KCNIP4: variants seen among roughly 807,000 people sequenced by gnomAD.
KCNIP4 encodes potassium voltage-gated channel interacting protein 4.
A neutral mutation model predicts 34.0 loss-of-function variants in KCNIP4; 12 were observed. The observed-to-expected ratio is 0.35, with a 90% CI of 0.23 to 0.57. The LOEUF is 0.57. Among genes scored for constraint, KCNIP4 ranks in the 20% least tolerant of loss-of-function variants. The probability of loss-of-function intolerance (pLI) is 0.83; values close to 1 mark genes in which losing one functional copy is unlikely to be tolerated. For missense variants in KCNIP4, 238 were observed against 311.7 expected (o/e 0.76, Z 1.78); for synonymous variants, 124 against 102.2 (o/e 1.21, Z -1.29).
intron 1 of KCNIP4, among the ~76,000 whole-genome samples, chr4:20,991,446 C>T (rs539213861): frequency 3.9e-5 from 6 of 151,930 alleles, no homozygotes; most frequent in East Asian, 3.9e-4. Flanking sequence ...AAAGGGAAAG[C>T]GAGAAATGAG....
chr4:20,984,268 T>C (rs747272481), intron 1 of KCNIP4, among the ~76,000 whole-genome samples: 5 of 152,204 alleles, frequency 3.3e-5, no homozygotes, highest in Non-Finnish European at 5.9e-5. Context: ...CTTTGCAGTG[T>C]CCGTGGCGAG....
At chr4:21,300,856 A>G (rs2109240656) in intron 1 of KCNIP4, among the ~76,000 whole-genome samples, 1 of 152,264 alleles carries the variant, frequency 6.6e-6, no homozygotes, top group East Asian at 1.9e-4. Flanking sequence ...TGTTACACTC[A>G]TTGAAGTTTT....
At chr4:21,303,254 A>C (rs1711954843) in intron 1 of KCNIP4, among the ~76,000 whole-genome samples, 1 of 152,220 alleles carries the variant, frequency 6.6e-6, no homozygotes, top group African/African-American at 2.4e-5. Flanking sequence ...TATGAGTTAG[A>C]GTCTTTTCCC....
At chr4:21,100,067 T>C (rs1443917888) in intron 1 of KCNIP4, among the ~76,000 whole-genome samples, 3 of 152,220 alleles carry the variant, frequency 2.0e-5, no homozygotes, top group Non-Finnish European at 2.9e-5. Context: ...GCAAACATTG[T>C]TGAAGTGACT....
intron 1 of KCNIP4, among the ~76,000 whole-genome samples, chr4:21,878,600 T>G (rs1025012048): frequency 6.6e-6 from 1 of 152,236 alleles, no homozygotes; most frequent in East Asian, 1.9e-4. Context: ...AAGATGACAA[T>G]GAGCAATGCT....
intron 1 of KCNIP4, among the ~76,000 whole-genome samples, chr4:21,205,354 A>C (rs1455507841): frequency 6.6e-6 from 1 of 152,186 alleles, no homozygotes; most frequent in Non-Finnish European, 1.5e-5. Context: ...CCAAGGTATA[A>C]CATGACAGAC....
chr4:21,848,459 C>A (rs1321043153), intron 1 of KCNIP4: 1 of 152,054 alleles, frequency 6.6e-6, no homozygotes, highest in Admixed American at 6.6e-5. Flanking sequence ...ACATTAACAC[C>A]TTTCTCATGG....
At chr4:20,937,767 CG>C (rs140806181) in intron 1 of KCNIP4, among the ~76,000 whole-genome samples, 3,629 of 152,242 alleles carry the variant, frequency 0.024, 129 homozygotes, top group African/African-American at 0.075. Context: ...CTTCCACACT[CG>C]GTCAGACTCT....
intron 1 of KCNIP4, among the ~76,000 whole-genome samples, chr4:21,110,528 T>C (rs1749068732): frequency 6.6e-6 from 1 of 152,266 alleles, no homozygotes; most frequent in Non-Finnish European, 1.5e-5. Flanking sequence ...TTAGTGCCAG[T>C]TATTTCAGAC....
In KCNIP4 at chr4:21,488,354, T is replaced by G. The variant is rs372026490; in HGVS notation, c.61+460217A>C. Reference sequence around the variant, plus strand: ...ACATCTATAGCAGCAACAGAATTATTAACTGTGTCCCCATGAACAAGAACT... The same window carrying G: ...ACATCTATAGCAGCAACAGAATTATGAACTGTGTCCCCATGAACAAGAACT... On this transcript the variant is annotated intron_variant, in intron 1 of 8. Transcript: ENST00000382152. Among the ~76,000 whole-genome samples the G allele has an allele frequency of 6.6e-5, 10 of 152,310 alleles. No individual in the cohort carries two copies. In the East Asian group the frequency reaches 1.9e-3, roughly 29 times the overall value.
chr4:21,763,319 T>C (rs925689902), intron 1 of KCNIP4, among the ~76,000 whole-genome samples: 1 of 152,154 alleles, frequency 6.6e-6, no homozygotes, highest in African/African-American at 2.4e-5. Context: ...GTTATATACA[T>C]AGAGACAAAA....
At chr4:21,033,868 C>A (rs1444831859) in intron 1 of KCNIP4, among the ~76,000 whole-genome samples, 1 of 152,136 alleles carries the variant, frequency 6.6e-6, no homozygotes, top group African/African-American at 2.4e-5. Flanking sequence ...ATGAAAATCA[C>A]AAACAGTGGA....
At chr4:20,922,929 G>GT (rs1729549385) in intron 1 of KCNIP4, among the ~76,000 whole-genome samples, 2 of 152,158 alleles carry the variant, frequency 1.3e-5, no homozygotes, top group African/African-American at 2.4e-5. Flanking sequence ...TAAAAATACA[G>GT]TTTTTTACAG....
chr4:21,427,628 T>C (rs992463094), intron 1 of KCNIP4, among the ~76,000 whole-genome samples: 3 of 152,306 alleles, frequency 2.0e-5, no homozygotes, highest in Non-Finnish European at 2.9e-5. Context: ...TGCTCAATTA[T>C]GAGGTTCAGA....
At chr4:21,085,969 A>T (rs185305847) in intron 1 of KCNIP4, among the ~76,000 whole-genome samples, 1 of 152,180 alleles carries the variant, frequency 6.6e-6, no homozygotes, top group Non-Finnish European at 1.5e-5. Flanking sequence ...ACATCACTCC[A>T]GGCCAGGAGG....
chr4:21,121,065 A>G (rs975008172), intron 1 of KCNIP4, among the ~76,000 whole-genome samples: 4 of 152,224 alleles, frequency 2.6e-5, no homozygotes, highest in Non-Finnish European at 5.9e-5. Context: ...CGAAGAATAC[A>G]TAAGCCATCT....
chr4:21,397,071 G>T (rs1723072566), intron 1 of KCNIP4, among the ~76,000 whole-genome samples: 2 of 152,094 alleles, frequency 1.3e-5, no homozygotes, highest in Non-Finnish European at 2.9e-5. Flanking sequence ...GCAACTGGGG[G>T]TGTTCTTTCA....
chr4:21,929,043 A>T (rs138255908), intron 1 of KCNIP4, among the ~76,000 whole-genome samples: 1 of 152,282 alleles, frequency 6.6e-6, no homozygotes, highest in African/African-American at 2.4e-5. Context: ...GGAGTAAACT[A>T]TATCCACGAA....
intron 1 of KCNIP4, among the ~76,000 whole-genome samples, chr4:21,664,426 A>G (rs969225610): frequency 1.3e-5 from 2 of 152,172 alleles, no homozygotes; most frequent in Non-Finnish European, 2.9e-5. Context: ...AAAAAAAAAA[A>G]ATAGGAACCA....
Sources: gnomAD v4.1 joint callset for allele counts (sites outside exome capture counted in the v4.1 genomes callset) on GRCh38, gnomAD v4.1.1 for gene constraint, MANE v1.5 for transcripts, NCBI Gene and HGNC (gene_info 2026-07-23, HGNC 2026-07-21) for gene names.